The following KCNMB2 variants were observed in gnomAD, a reference collection of about 807,000 sequenced individuals.
KCNMB2 encodes calcium-activated potassium channel subunit beta-2.
In KCNMB2, 9 loss-of-function variants were observed where a neutral mutation model predicts 24.5. The ratio of observed to expected loss-of-function variants is 0.37; its 90% confidence interval spans 0.22 to 0.64. The LOEUF is 0.64. Ranked by LOEUF, KCNMB2 falls within the 30% of genes least tolerant of loss-of-function variation. The pLI, the probability that KCNMB2 is intolerant of heterozygous loss-of-function variation, is 0.63. For missense variants in KCNMB2, 226 were observed against 284.3 expected (o/e 0.79, Z 1.47); for synonymous variants, 109 against 104.4 (o/e 1.04, Z -0.27).
intron 1 of KCNMB2, among the ~76,000 whole-genome samples, chr3:178,667,499 G>C (rs557033451): frequency 6.6e-6 from 1 of 152,114 alleles, no homozygotes; most frequent in Non-Finnish European, 1.5e-5. Flanking sequence ...CTTGATCTTA[G>C]ACTTCCCAGC....
chr3:178,786,526 T>A (rs1713105314), intron 1 of KCNMB2, among the ~76,000 whole-genome samples: 1 of 152,110 alleles, frequency 6.6e-6, no homozygotes. Flanking sequence ...ATGCAGCCCA[T>A]AGAAATCATT....
intron 4 of KCNMB2, among the ~76,000 whole-genome samples, 167 bp downstream of exon 4, chr3:178,828,540 T>C (rs1362042791): frequency 6.6e-6 from 1 of 152,192 alleles, no homozygotes; most frequent in Non-Finnish European, 1.5e-5. Flanking sequence ...CTAGAAAATA[T>C]TTATTTTCTG....
chr3:178,604,378 C>G (rs995488020), intron 1 of KCNMB2, among the ~76,000 whole-genome samples: 1 of 141,626 alleles, frequency 7.1e-6, no homozygotes, highest in Non-Finnish European at 1.5e-5. Context: ...AAAAAACATG[C>G]TGAAAGAAGC....
intron 1 of KCNMB2, among the ~76,000 whole-genome samples, chr3:178,605,112 C>T (rs1718225964): frequency 6.6e-6 from 1 of 152,102 alleles, no homozygotes; most frequent in African/African-American, 2.4e-5. Context: ...CCCTAAAATT[C>T]ATATTTTGAA....
intron 1 of KCNMB2, among the ~76,000 whole-genome samples, chr3:178,720,183 A>G (rs1391143967): frequency 2.0e-5 from 3 of 151,452 alleles, no homozygotes; most frequent in Non-Finnish European, 2.9e-5. Flanking sequence ...TCCTGTGTCC[A>G]TGTGTTCTCA....
At chr3:178,664,657 A>G (rs1720654270) in intron 1 of KCNMB2, among the ~76,000 whole-genome samples, 1 of 152,028 alleles carries the variant, frequency 6.6e-6, no homozygotes, top group South Asian at 2.1e-4. Context: ...ATCTCTTTTT[A>G]TAAATCTCCC....
At chr3:178,622,929 G>A (rs1245789126) in intron 1 of KCNMB2, among the ~76,000 whole-genome samples, 1 of 152,196 alleles carries the variant, frequency 6.6e-6, no homozygotes, top group Non-Finnish European at 1.5e-5. Context: ...AGTTAACCAG[G>A]AGAATGACAT....
At chr3:178,788,921 G>A (rs766831599) in intron 1 of KCNMB2, among the ~76,000 whole-genome samples, 17 of 152,080 alleles carry the variant, frequency 1.1e-4, no homozygotes, top group Non-Finnish European at 2.2e-4. Context: ...CACCCAACTC[G>A]GTGCCTGCCA....
At chr3:178,665,684 T>C (rs1275632705) in intron 1 of KCNMB2, among the ~76,000 whole-genome samples, 2 of 152,198 alleles carry the variant, frequency 1.3e-5, no homozygotes, top group Non-Finnish European at 2.9e-5. Flanking sequence ...ACCTGCTTAA[T>C]ATCAGGAACT....
intron 1 of KCNMB2, among the ~76,000 whole-genome samples, chr3:178,635,774 A>G (rs1474122177): frequency 6.6e-6 from 1 of 152,242 alleles, no homozygotes; most frequent in Admixed American, 6.5e-5. Flanking sequence ...TTAAGAATTT[A>G]TATTTGGGCA....
At chr3:178,543,070 G>A (rs1386394830) in intron 1 of KCNMB2, among the ~76,000 whole-genome samples, 2 of 152,096 alleles carry the variant, frequency 1.3e-5, no homozygotes, top group Non-Finnish European at 2.9e-5. Flanking sequence ...TTAATTGCAT[G>A]TATTATAATA....
chr3:178,664,169 C>T (rs1332286096), intron 1 of KCNMB2, among the ~76,000 whole-genome samples: 1 of 152,138 alleles, frequency 6.6e-6, no homozygotes, highest in Non-Finnish European at 1.5e-5. Context: ...ACACTGGGAC[C>T]TGCAGGAACT....
chr3:178,603,381 G>A (rs947175073), intron 1 of KCNMB2, among the ~76,000 whole-genome samples: 6 of 152,100 alleles, frequency 3.9e-5, no homozygotes, highest in Non-Finnish European at 7.4e-5. Context: ...GATTAAAGCT[G>A]TAGAAATAGC....
intron 4 of KCNMB2, among the ~76,000 whole-genome samples, chr3:178,836,476 T>C (rs1213577014): frequency 2.6e-5 from 4 of 152,144 alleles, no homozygotes; most frequent in Admixed American, 1.3e-4. Flanking sequence ...GGTCCATCCC[T>C]GTGGTTTTCA....
intron 2 of KCNMB2, among the ~76,000 whole-genome samples, chr3:178,811,812 T>G (rs547348088): frequency 6.6e-6 from 1 of 152,328 alleles, no homozygotes; most frequent in Non-Finnish European, 1.5e-5. Flanking sequence ...ATACATGAGA[T>G]TCCCATTGCT....
At chr3:178,605,340 C>A (rs1474269036) in intron 1 of KCNMB2, among the ~76,000 whole-genome samples, 1 of 152,128 alleles carries the variant, frequency 6.6e-6, no homozygotes, top group African/African-American at 2.4e-5. Context: ...AAATAAATTT[C>A]TGTTGTTTAT....
intron 1 of KCNMB2, among the ~76,000 whole-genome samples, chr3:178,736,401 T>G (rs1723318601): frequency 6.6e-6 from 1 of 152,140 alleles, no homozygotes; most frequent in African/African-American, 2.4e-5. Flanking sequence ...AGACTGAGAC[T>G]CCTGCATTCA....
intron 1 of KCNMB2, among the ~76,000 whole-genome samples, chr3:178,634,688 AC>A (rs1445566580): frequency 2.0e-5 from 3 of 152,088 alleles, no homozygotes; most frequent in African/African-American, 4.8e-5. Flanking sequence ...ACAGAGCAAA[AC>A]CCAATGCTAG....
At position 178,844,418 on chromosome 3, in the gene KCNMB2, A is replaced by T. The variant is rs9831501; in HGVS notation, c.*1481A>T. The T allele has an allele frequency of 0.63, 95,820 of 151,558 alleles. 31,771 individuals are homozygous for T. Among genetic ancestry groups the T allele is most frequent in the African/African-American group, 0.83 (34,330 of 41,308 alleles). 9.4% of individuals were successfully genotyped at this position (151,558 alleles called of 1,614,324 possible). A position where few individuals can be genotyped will look rare whatever the true frequency, so the allele number is the denominator to read the frequency against. ...TTCAAATGTGTAATTAAATTTTTTTAAAAAAAATCTATTAAATTGCAAGAT... is the reference window on the plus strand; with the variant it reads ...TTCAAATGTGTAATTAAATTTTTTTTAAAAAAATCTATTAAATTGCAAGAT... On this transcript the variant is annotated 3_prime_UTR_variant, in exon 5 of 5. Transcript: ENST00000452583.
Sources: gnomAD v4.1 joint callset for allele counts (sites outside exome capture counted in the v4.1 genomes callset) on GRCh38, gnomAD v4.1.1 for gene constraint, MANE v1.5 for transcripts, NCBI Gene and HGNC (gene_info 2026-07-23, HGNC 2026-07-21) for gene names.